The following TEX14 variants were observed in gnomAD, a reference collection of about 807,000 sequenced individuals.
TEX14 encodes testis expressed 14, intercellular bridge forming factor.
A neutral mutation model predicts 178.6 loss-of-function variants in TEX14; 168 were observed. The observed-to-expected ratio is 0.94, with a 90% CI of 0.83 to 1.07. TEX14 has a LOEUF of 1.07. Among genes scored for constraint, TEX14 ranks in the 50% least tolerant of loss-of-function variants. The pLI is 0.00. For synonymous variants in TEX14, 626 were observed against 634.1 expected (o/e 0.99, Z 0.19); for missense variants, 1,730 against 1,753.6 (o/e 0.99, Z 0.24).
intron 13 of TEX14, among the ~76,000 whole-genome samples, chr17:58,601,532 AAAAAG>A (rs1443988599): frequency 6.6e-6 from 1 of 151,608 alleles, no homozygotes; most frequent in Non-Finnish European, 1.5e-5. Context: ...AAAAAAAAAA[AAAAAG>A]AAAAAAATTA....
At chr17:58,662,415 T>TCACACACACACACACA (rs200980242) in intron 1 of TEX14, among the ~76,000 whole-genome samples, 8 of 114,888 alleles carry the variant, frequency 7.0e-5, no homozygotes, top group African/African-American at 2.2e-4. Context: ...CACACATATC[T>TCACACACACACACACA]CACACACACA....
At chr17:58,624,202 T>C (rs1461822468) in intron 3 of TEX14, among the ~76,000 whole-genome samples, 2 of 151,850 alleles carry the variant, frequency 1.3e-5, no homozygotes, top group African/African-American at 4.8e-5. Flanking sequence ...AAGAATGGCG[T>C]AATGGCATAA....
intron 5 of TEX14, among the ~76,000 whole-genome samples, chr17:58,618,937 A>G (rs2045935931): frequency 6.6e-6 from 1 of 152,232 alleles, no homozygotes; most frequent in African/African-American, 2.4e-5. Flanking sequence ...ATAATCAGCT[A>G]TATGGTCACT....
At chr17:58,620,768 G>A (rs2045980310) in intron 5 of TEX14, among the ~76,000 whole-genome samples, 1 of 152,110 alleles carries the variant, frequency 6.6e-6, no homozygotes, top group Non-Finnish European at 1.5e-5. Context: ...GTGATTACAG[G>A]TGTGAGCCAC....
At chr17:58,601,566 T>C (rs975322518) in intron 13 of TEX14, among the ~76,000 whole-genome samples, 6 of 150,884 alleles carry the variant, frequency 4.0e-5, no homozygotes, top group Non-Finnish European at 8.8e-5. Context: ...TGGTGGCACA[T>C]GCCTGTAATC....
chr17:58,572,124 A>G lies in TEX14; in HGVS notation c.3514T>C (p.Ser1172Pro). The part of the protein sequence containing the change: ...TSVSTPLSPG[S>P]VSSAASQYKD... ...TACTGACTGGCAGCTGAAGAAACGG[A>G]CCCTGTTGGAGAAAAGCGGAAGGTT... The change falls in exon 24 of 32, where the codon TCC becomes CCC. Residue 1172 changes from serine (S) to proline (P), a missense_variant and splice_region_variant. By Grantham distance (74) the Ser-to-Pro change is moderately conservative (BLOSUM62 -1). Transcript: ENST00000349033. 2 of 1,602,828 alleles carry G rather than the reference A, an allele frequency of 1.2e-6. No homozygotes were observed. Among genetic ancestry groups the G allele is most frequent in the Non-Finnish European group, 8.5e-7 (1 of 1,170,900 alleles).
Position 58,602,403 on chromosome 17 carries a change from T to G in TEX14, c.1524A>C (p.Leu508Phe). 1 of 1,610,256 alleles carries G rather than the reference T, an allele frequency of 6.2e-7. No homozygotes were observed. Among genetic ancestry groups the G allele is most frequent in the Non-Finnish European group, 8.5e-7 (1 of 1,177,506 alleles). ...TCCCAACAACTTCAGGGCTTGCCTT[T>G]AAGTCATTCTTCAGAATATACCGGA... ...QDIRYILKND[L>F]KDFTGAQRTQ... The change falls in exon 12 of 32, where the codon TTA becomes TTC. Residue 508 changes from leucine to phenylalanine, a missense_variant. Coordinates refer to ENST00000349033, the MANE Select transcript of TEX14 (RefSeq NM_031272.5).
chr17:58,637,220 CAAAAACA>C (rs1482557612), intron 2 of TEX14, among the ~76,000 whole-genome samples: 5 of 152,012 alleles, frequency 3.3e-5, no homozygotes, highest in African/African-American at 4.8e-5. Flanking sequence ...GACTCTGTCT[CAAAAACA>C]AAAAACAAAA....
intron 2 of TEX14, among the ~76,000 whole-genome samples, chr17:58,641,488 T>TTATTATTATTA (rs1555577863): frequency 7.0e-6 from 1 of 143,646 alleles, no homozygotes; most frequent in African/African-American, 2.6e-5. Context: ...TTCTCTTTTA[T>TTATTATTATTA]TTATTATTAT....
chr17:58,614,490 AC>A (rs1244909773), intron 8 of TEX14, among the ~76,000 whole-genome samples: 1 of 152,026 alleles, frequency 6.6e-6, no homozygotes. Flanking sequence ...ACTCAATCCT[AC>A]CCTCCCCGCA....
chr17:58,683,894 A>G (rs1225201919), intron 1 of TEX14, among the ~76,000 whole-genome samples: 1 of 147,666 alleles, frequency 6.8e-6, no homozygotes, highest in Non-Finnish European at 1.5e-5. Flanking sequence ...ATGAAACCCC[A>G]TCTCTACTAA....
chr17:58,685,592 G>A (rs558134225), intron 1 of TEX14, among the ~76,000 whole-genome samples: 2 of 151,978 alleles, frequency 1.3e-5, no homozygotes, highest in East Asian at 1.9e-4. Context: ...CAGGAGTATA[G>A]GAAGCAAATG....
chr17:58,661,701 G>A (rs2047115445), intron 1 of TEX14: 2 of 586,404 alleles, frequency 3.4e-6, no homozygotes, highest in Admixed American at 3.2e-5. Flanking sequence ...GGCGCTGCAC[G>A]GCAGGGCAGT....
intron 21 of TEX14, among the ~76,000 whole-genome samples, chr17:58,575,763 C>T (rs563195375): frequency 1.3e-5 from 2 of 152,332 alleles, no homozygotes; most frequent in South Asian, 4.1e-4. Context: ...TAGCACAGAA[C>T]ATTCCTGGCC....
chr17:58,676,805 G>T (rs900786229), intron 1 of TEX14, among the ~76,000 whole-genome samples: 1 of 151,714 alleles, frequency 6.6e-6, no homozygotes, highest in Admixed American at 6.6e-5. Flanking sequence ...GGGCAACATA[G>T]CGAGACCCTA....
intron 22 of TEX14, 132 bp from the exon 23 acceptor site, chr17:58,573,440 A>G (rs1345138538): frequency 4.2e-6 from 3 of 716,090 alleles, no homozygotes; most frequent in East Asian, 2.6e-5. Context: ...ATTAGAGAAT[A>G]TCTTAGAACA....
chr17:58,580,886 C>T (rs900837787), intron 19 of TEX14, among the ~76,000 whole-genome samples: 6 of 152,138 alleles, frequency 3.9e-5, no homozygotes, highest in Non-Finnish European at 8.8e-5. Flanking sequence ...TCAATCCTGG[C>T]TCTCCCATCA....
intron 21 of TEX14, among the ~76,000 whole-genome samples, chr17:58,576,473 A>G (rs36109237): frequency 0.18 from 28,086 of 152,120 alleles, 2,741 homozygotes; most frequent in Non-Finnish European, 0.21. Flanking sequence ...ACGCCACTGC[A>G]GTGAGCTGAG....
intron 2 of TEX14, among the ~76,000 whole-genome samples, chr17:58,643,874 C>CAAAAAA (rs71143262): frequency 0.013 from 273 of 20,550 alleles, 32 homozygotes; most frequent in African/African-American, 0.025. Flanking sequence ...GACTCTGTCT[C>CAAAAAA]AAAAAAAAAA....
Sources: gnomAD v4.1 joint callset for allele counts (sites outside exome capture counted in the v4.1 genomes callset) on GRCh38, gnomAD v4.1.1 for gene constraint, MANE v1.5 for transcripts, NCBI Gene and HGNC (gene_info 2026-07-23, HGNC 2026-07-21) for gene names.